Variants in OTOGL observed in about 807,000 individuals in gnomAD.
OTOGL encodes the protein otogelin like.
Under a neutral mutation model 318.5 loss-of-function variants are expected in OTOGL, and 285 were observed. The ratio of observed to expected loss-of-function variants is 0.89; its 90% confidence interval spans 0.81 to 0.99. The LOEUF (loss-of-function observed/expected upper bound fraction) is 0.99. Ranked by LOEUF, OTOGL falls within the 50% of genes least tolerant of loss-of-function variation. The pLI, the probability that OTOGL is intolerant of heterozygous loss-of-function variation, is 0.00. For missense variants in OTOGL, 2,899 were observed against 2,845.6 expected (o/e 1.02, Z -0.43); for synonymous variants, 987 against 936.5 (o/e 1.05, Z -0.99).
At chr12:80,274,367 T>C (rs1343070175) in intron 24 of OTOGL, among the ~76,000 whole-genome samples, 1 of 152,064 alleles carries the variant, frequency 6.6e-6, no homozygotes, top group Non-Finnish European at 1.5e-5. Context: ...TCAAATCAGC[T>C]GCAACATTCA....
In OTOGL at chr12:80,252,172, AT is replaced by A. The variant is rs1187997843; in HGVS notation, c.1258del (p.Cys420ValfsTer12). On this transcript the variant is annotated frameshift_variant, in exon 13 of 59. Transcript: ENST00000547103. LOFTEE classifies it high-confidence loss of function. ...AAGCAATGTCTTGGGAGCAATCTCC[AT>A]TGTCTTGATGGATGTTACTGCCCAG... ...FEKQCLGSNL[H>X]CLDGCYCPDG... The A allele has an allele frequency of 6.3e-7, 1 of 1,596,536 alleles. No homozygotes were observed. The highest frequency in any genetic ancestry group is 8.5e-7 in the Non-Finnish European group (1 of 1,170,456).
chr12:80,311,404 T>C (rs138767675), intron 30 of OTOGL, among the ~76,000 whole-genome samples: 1 of 152,286 alleles, frequency 6.6e-6, no homozygotes, highest in African/African-American at 2.4e-5. Flanking sequence ...CAGACAGGGA[T>C]ATTTGGCAGA....
chr12:80,343,509 G>GTT (rs58046272), intron 44 of OTOGL: 1 of 35,858 alleles, frequency 2.8e-5, no homozygotes, highest in African/African-American at 1.1e-4. Context: ...TTTTATTCTT[G>GTT]TTTTTTTTTT....
At chr12:80,340,128 ATC>A (rs1463827591) in intron 43 of OTOGL, among the ~76,000 whole-genome samples, 1 of 152,196 alleles carries the variant, frequency 6.6e-6, no homozygotes, top group Non-Finnish European at 1.5e-5. Context: ...TCTATTTTTA[ATC>A]TCAGTAAATA....
Position 80,379,914 on chromosome 12 carries a change from C to T in OTOGL, c.*1866C>T, listed in dbSNP as rs1392874909. ...TCCTAACTCCCTTAATTCTTAGAGT[C>T]TAGCAAGAAAGCAGGCCTTAAATAG... On this transcript the variant is annotated 3_prime_UTR_variant, in exon 59 of 59. Coordinates refer to ENST00000547103, the MANE Select transcript of OTOGL (RefSeq NM_001378609.3). 1 of 151,924 alleles carries T rather than the reference C, an allele frequency of 6.6e-6. No homozygotes were observed. Among genetic ancestry groups the T allele is most frequent in the African/African-American group, 2.4e-5 (1 of 41,422 alleles). The allele number at this position is 151,924 out of a possible 1,614,324, so 9.4% of individuals were successfully genotyped here. A position where few individuals can be genotyped will look rare whatever the true frequency, so the allele number is the denominator to read the frequency against.
intron 24 of OTOGL, among the ~76,000 whole-genome samples, chr12:80,277,086 G>A (rs1883864594): frequency 6.7e-6 from 1 of 148,376 alleles, no homozygotes; most frequent in Non-Finnish European, 1.5e-5. Flanking sequence ...ATCTATTTTA[G>A]GAGCTTTTAA....
intron 1 of OTOGL, among the ~76,000 whole-genome samples, chr12:80,112,891 T>G (rs1418725494): frequency 1.3e-5 from 2 of 152,118 alleles, no homozygotes; most frequent in Non-Finnish European, 2.9e-5. Flanking sequence ...GTCCTGGACT[T>G]TTTTTGGTTG....
rs778825913 is a variant in OTOGL at position 80,232,978 on chromosome 12, T to C, written c.698T>C (p.Leu233Ser). 1 of 1,599,038 alleles carries C rather than the reference T, an allele frequency of 6.3e-7. No homozygotes were observed. Among genetic ancestry groups the C allele is most frequent in the Non-Finnish European group, 8.5e-7 (1 of 1,179,338 alleles). The change falls in exon 9 of 59, where the codon TTG becomes TCG. Residue 233 changes from leucine to serine, a missense_variant. Leu to Ser is a moderately radical substitution (Grantham distance 145, BLOSUM62 -2). Around this residue, in one of 3 missense-constraint regions of OTOGL, gnomAD observed 2,607 missense variants for 2,524.9 expected, o/e 1.03. Coordinates refer to ENST00000547103, the MANE Select transcript of OTOGL (RefSeq NM_001378609.3). ...GTGAAAACAACCTTTGGCTTTTCAT[T>C]GGCTTGGGACGGGATATCTGGGATC... is the stretch of plus-strand genomic sequence containing the variant. ...ILVKTTFGFS[L>S]AWDGISGIYL...
At chr12:80,214,013 C>A (rs1249758935) in intron 4 of OTOGL, among the ~76,000 whole-genome samples, 1 of 152,200 alleles carries the variant, frequency 6.6e-6, no homozygotes, top group Non-Finnish European at 1.5e-5. Context: ...TATTTGTGTG[C>A]TGCAGTGATT....
intron 34 of OTOGL, among the ~76,000 whole-genome samples, chr12:80,321,978 C>G (rs936040513): frequency 6.6e-6 from 1 of 152,186 alleles, no homozygotes; most frequent in Admixed American, 6.5e-5. Flanking sequence ...CCTGAAAGCA[C>G]TCTGCCCTGG....
At chr12:80,120,212 C>G (rs1356819686) in intron 1 of OTOGL, among the ~76,000 whole-genome samples, 1 of 151,968 alleles carries the variant, frequency 6.6e-6, no homozygotes. Flanking sequence ...TTCTTAACAT[C>G]TTTTTTCAGA....
At position 80,162,748 on chromosome 12, in the gene OTOGL, A is replaced by G. The variant is rs549006204; in HGVS notation, c.-19-46665A>G. ...ACCCTCCTGGTCCCATTTTAATTTA[A>G]TCAGGTCTGTAAAGACTATACCTTC... On this transcript the variant is annotated intron_variant, in intron 1 of 58. Transcript: ENST00000547103. Among the ~76,000 whole-genome samples the G allele has an allele frequency of 7.2e-5, 11 of 152,204 alleles. 1 individual carries two copies. Among genetic ancestry groups the G allele is most frequent in the Admixed American group, 7.2e-4 (11 of 15,266 alleles).
Position 80,299,069 on chromosome 12 carries a change from G to A in OTOGL, c.3063+2108G>A, listed in dbSNP as rs144106107. On this transcript the variant is annotated intron_variant, in intron 27 of 58. Transcript: ENST00000547103. ...TGGGCCCTACTTCAGTAATTGGAAC[G>A]GCTGATGCTGAAAACAAAATTGACA... is the stretch of plus-strand genomic sequence containing the variant. Among the ~76,000 whole-genome samples, 457 of 152,182 alleles carry A rather than the reference G, an allele frequency of 3.0e-3. 2 individuals carry two copies. The highest frequency in any genetic ancestry group is 0.02 in the Middle Eastern group (6 of 294).
At chr12:80,291,866 A>G (rs1885062260) in intron 26 of OTOGL, among the ~76,000 whole-genome samples, 1 of 152,264 alleles carries the variant, frequency 6.6e-6, no homozygotes, top group African/African-American at 2.4e-5. Flanking sequence ...ATCAGATAGA[A>G]AGAAATATGC....
intron 1 of OTOGL, among the ~76,000 whole-genome samples, chr12:80,140,213 G>A (rs1332496821): frequency 6.6e-6 from 1 of 152,124 alleles, no homozygotes; most frequent in Non-Finnish European, 1.5e-5. Context: ...GATGTCTTCT[G>A]GGAGCGTCTC....
intron 21 of OTOGL, 36 bp from the exon 22 acceptor site, chr12:80,267,217 A>C (rs570520641): frequency 1.2e-5 from 16 of 1,381,660 alleles, no homozygotes; most frequent in Non-Finnish European, 1.5e-5. Flanking sequence ...TTTGAAAAAA[A>C]TTGTATCCTA....
chr12:80,217,891 G>A (rs1466565973), intron 5 of OTOGL, among the ~76,000 whole-genome samples: 1 of 152,188 alleles, frequency 6.6e-6, no homozygotes, highest in East Asian at 1.9e-4. Flanking sequence ...CATGACCAGG[G>A]AAGATGTCAC....
At position 80,137,911 on chromosome 12, in the gene OTOGL, G is replaced by A. The variant is rs560899340; in HGVS notation, c.-20+38306G>A. On this transcript the variant is annotated intron_variant, in intron 1 of 58. Coordinates refer to ENST00000547103, the MANE Select transcript of OTOGL (RefSeq NM_001378609.3). Reference sequence around the variant, plus strand: ...TCTAACCCGTGTTTCTGTTCTTTGGGAAGAAGTATCACTTTGGAGTCTCCT... The same window carrying A: ...TCTAACCCGTGTTTCTGTTCTTTGGAAAGAAGTATCACTTTGGAGTCTCCT... Among the ~76,000 whole-genome samples the A allele has an allele frequency of 2.0e-5, 3 of 152,220 alleles. No homozygotes were observed. The East Asian group carries it at 5.8e-4, about 29-fold the overall frequency.
Position 80,161,087 on chromosome 12 carries a change from C to T in OTOGL, c.-19-48326C>T, listed in dbSNP as rs183116401. Among the ~76,000 whole-genome samples the T allele has an allele frequency of 7.9e-5, 12 of 151,848 alleles. No individual in the cohort carries two copies. In the East Asian group the frequency reaches 2.3e-3, roughly 29 times the overall value. On this transcript the variant is annotated intron_variant, in intron 1 of 58. Coordinates refer to ENST00000547103, the MANE Select transcript of OTOGL (RefSeq NM_001378609.3). ...GGACTTTGGGGACTCGGGGGAAAGG[C>T]TGGGAAGGGGGTGAGGGATAAAAGA...
Sources: gnomAD v4.1 joint callset for allele counts (sites outside exome capture counted in the v4.1 genomes callset) on GRCh38, gnomAD v4.1.1 for gene constraint, gnomAD v4.1.1 regional missense constraint, MANE v1.5 for transcripts, NCBI Gene and HGNC (gene_info 2026-07-23, HGNC 2026-07-21) for gene names.